ALK: variants seen among roughly 807,000 people sequenced by gnomAD.
The protein encoded by ALK is ALK receptor tyrosine kinase.
ALK carries 74 observed loss-of-function variants against 163.1 expected under a neutral mutation model. The ratio of observed to expected loss-of-function variants is 0.45; its 90% CI spans 0.38 to 0.55. The LOEUF (loss-of-function observed/expected upper bound fraction) is 0.55. Ranked by LOEUF, ALK falls within the 20% of genes least tolerant of loss-of-function variation. The pLI is 0.00. For synonymous variants in ALK, 960 were observed against 843.2 expected, an observed-to-expected ratio of 1.14 and a Z score of -2.40; for missense variants, 2,063 against 2,105.3, an observed-to-expected ratio of 0.98 and a Z score of 0.39.
chr2:29,892,634 AG>A (rs1331645691), intron 1 of ALK, among the ~76,000 whole-genome samples: 2 of 152,194 alleles, frequency 1.3e-5, no homozygotes, highest in African/African-American at 2.4e-5. Context: ...CTGAAGGCTG[AG>A]AGCTGAAGGG....
intron 1 of ALK, among the ~76,000 whole-genome samples, chr2:29,752,451 G>C (rs1039676452): frequency 6.7e-6 from 1 of 148,230 alleles, no homozygotes; most frequent in African/African-American, 2.5e-5. Flanking sequence ...CCGGGTTCAC[G>C]CCATTCTCCT....
chr2:29,325,690 G>C (rs1280483690), intron 6 of ALK, among the ~76,000 whole-genome samples: 3 of 152,242 alleles, frequency 2.0e-5, no homozygotes, highest in African/African-American at 7.2e-5. Flanking sequence ...TCACTGCTCA[G>C]CTTCTGGCTA....
intron 9 of ALK, among the ~76,000 whole-genome samples, chr2:29,280,377 A>G (rs1458488282): frequency 1.3e-5 from 2 of 151,630 alleles, no homozygotes; most frequent in South Asian, 2.1e-4. Context: ...GACTGAGGGA[A>G]GGTTCTGGTA....
chr2:29,261,330 A>G (rs1665083269), intron 11 of ALK, among the ~76,000 whole-genome samples: 1 of 151,728 alleles, frequency 6.6e-6, no homozygotes, highest in Non-Finnish European at 1.5e-5. Flanking sequence ...AATATTGTTC[A>G]TGGGTTTTCA....
chr2:29,755,458 A>G (rs2148333521), intron 1 of ALK, among the ~76,000 whole-genome samples: 1 of 152,300 alleles, frequency 6.6e-6, no homozygotes, highest in East Asian at 1.9e-4. Flanking sequence ...CACAGCACCT[A>G]TTTCTGCAGA....
intron 4 of ALK, among the ~76,000 whole-genome samples, chr2:29,443,700 C>T (rs919224947): frequency 4.6e-5 from 7 of 152,320 alleles, no homozygotes; most frequent in East Asian, 1.9e-4. Flanking sequence ...GGCTCACTCA[C>T]CCTTTCACAG....
chr2:29,829,796 GT>G (rs1034592917), intron 1 of ALK, among the ~76,000 whole-genome samples: 46 of 152,326 alleles, frequency 3.0e-4, no homozygotes, highest in African/African-American at 1.1e-3. Flanking sequence ...AGCTATGGAT[GT>G]ATGTATCTAT....
rs186244390 is a variant in ALK at position 29,228,153 on chromosome 2, G to A, written c.2816-481C>T. Among the ~76,000 whole-genome samples the A allele has an allele frequency of 3.3e-5, 5 of 152,288 alleles. No homozygotes were observed. The East Asian group carries it at 9.6e-4, about 29-fold the overall frequency. On this transcript the variant is annotated intron_variant, in intron 16 of 28. Transcript: ENST00000389048. Reference sequence around the variant, plus strand: ...TCATCTGGGGCTGGGCTATCTTTGGGCTCCCCCCTCGGGCTCCTCCCACCC... The same window carrying A: ...TCATCTGGGGCTGGGCTATCTTTGGACTCCCCCCTCGGGCTCCTCCCACCC...
At chr2:29,624,173 G>A (rs976109314) in intron 3 of ALK, among the ~76,000 whole-genome samples, 6 of 24,352 alleles carry the variant, frequency 2.5e-4, no homozygotes, top group South Asian at 1.7e-3. Context: ...TCCTGCTCTC[G>A]CTGGTGGTAG....
chr2:29,458,813 G>A (rs567907012), intron 4 of ALK, among the ~76,000 whole-genome samples: 1 of 152,258 alleles, frequency 6.6e-6, no homozygotes, highest in Non-Finnish European at 1.5e-5. Context: ...TGGAGGGGCT[G>A]TGCTAAACAG....
intron 14 of ALK, among the ~76,000 whole-genome samples, chr2:29,233,008 C>T (rs1338330787): frequency 6.6e-6 from 1 of 152,204 alleles, no homozygotes; most frequent in Non-Finnish European, 1.5e-5. Flanking sequence ...CAGTGGGACT[C>T]TCTGAAAGTA....
intron 1 of ALK, among the ~76,000 whole-genome samples, chr2:29,846,892 A>G (rs1402253919): frequency 6.6e-6 from 1 of 152,216 alleles, no homozygotes; most frequent in African/African-American, 2.4e-5. Context: ...ACAGCTCAGA[A>G]CAGTCAGGTT....
At chr2:29,803,279 G>C (rs752053689) in intron 1 of ALK, among the ~76,000 whole-genome samples, 1 of 152,200 alleles carries the variant, frequency 6.6e-6, no homozygotes, top group African/African-American at 2.4e-5. Context: ...TTAGGCAGCA[G>C]ATGTGGGCAG....
At chr2:29,742,921 G>A (rs867603554) in intron 1 of ALK, among the ~76,000 whole-genome samples, 9 of 152,276 alleles carry the variant, frequency 5.9e-5, no homozygotes, top group Middle Eastern at 6.8e-3. Context: ...TTCAGTGAAG[G>A]ACTCATAATA....
chr2:29,742,723 A>G (rs1486295239), intron 1 of ALK, among the ~76,000 whole-genome samples: 2 of 152,204 alleles, frequency 1.3e-5, no homozygotes, highest in Admixed American at 6.5e-5. Context: ...CCAGGTGAGC[A>G]AGCATGCCTT....
At chr2:29,445,943 C>A (rs537528090) in intron 4 of ALK, among the ~76,000 whole-genome samples, 1 of 150,044 alleles carries the variant, frequency 6.7e-6, no homozygotes, top group South Asian at 2.1e-4. Flanking sequence ...ACTAAAAATA[C>A]AAAAAATTAG....
At chr2:29,678,410 C>G (rs1214552271) in intron 3 of ALK, among the ~76,000 whole-genome samples, 1 of 151,532 alleles carries the variant, frequency 6.6e-6, no homozygotes, top group East Asian at 1.9e-4. Context: ...AGACTTTACT[C>G]TTTTTCTAAT....
rs755499277 is a variant in ALK at position 29,232,464 on chromosome 2, A to G, written c.2488-16T>C. The G allele has an allele frequency of 1.2e-6, 2 of 1,614,186 alleles. No homozygotes were observed. Among genetic ancestry groups the G allele is most frequent in the South Asian group, 2.2e-5 (2 of 91,076 alleles). On this transcript the variant is annotated splice_polypyrimidine_tract_variant and intron_variant, in intron 14 of 28. Coordinates refer to ENST00000389048, the MANE Select transcript of ALK (RefSeq NM_004304.5). ...CATCCTTCATCTGACCAGGGGAGAC[A>G]TTCAGACATTGAGAAACCGAGCTGT...
chr2:29,779,453 A>G (rs1681274946), intron 1 of ALK, among the ~76,000 whole-genome samples: 1 of 152,210 alleles, frequency 6.6e-6, no homozygotes, highest in Non-Finnish European at 1.5e-5. Context: ...AGGGGGCTTT[A>G]GAAAAGTAGC....
Sources: gnomAD v4.1 joint callset for allele counts (sites outside exome capture counted in the v4.1 genomes callset) on GRCh38, gnomAD v4.1.1 for gene constraint, MANE v1.5 for transcripts, NCBI Gene and HGNC (gene_info 2026-07-23, HGNC 2026-07-21) for gene names.